RGMA: variants seen among roughly 807,000 people sequenced by gnomAD.
RGMA encodes the protein repulsive guidance molecule BMP co-receptor a.
In RGMA, 10 loss-of-function variants were observed where a neutral mutation model predicts 23.2. That is an observed-to-expected ratio of 0.43 (90% CI 0.27 to 0.73). The LOEUF (loss-of-function observed/expected upper bound fraction) is 0.73, where lower values mean the gene tolerates loss of function less well. RGMA is among the 30% of genes least tolerant of loss of function. The pLI, the probability that RGMA is intolerant of heterozygous loss-of-function variation, is 0.20. For synonymous variants in RGMA, 308 were observed against 279.3 expected (o/e 1.10, Z -1.03); for missense variants, 547 against 630.5 (o/e 0.87, Z 1.42).
chr15:93,071,001 G>A (rs1895303625), intron 2 of RGMA, among the ~76,000 whole-genome samples: 1 of 152,208 alleles, frequency 6.6e-6, no homozygotes, highest in Non-Finnish European at 1.5e-5. Flanking sequence ...GGAAACTTCT[G>A]CCAGGCCTTC....
chr15:93,056,426 G>A (rs1254033903), intron 2 of RGMA, among the ~76,000 whole-genome samples: 11 of 152,090 alleles, frequency 7.2e-5, no homozygotes, highest in African/African-American at 2.2e-4. Flanking sequence ...TCACTTCTCC[G>A]TTCCACATGG....
At chr15:93,067,897 C>T (rs1358508160) in intron 2 of RGMA, among the ~76,000 whole-genome samples, 1 of 152,082 alleles carries the variant, frequency 6.6e-6, no homozygotes, top group Non-Finnish European at 1.5e-5. Flanking sequence ...AGCCTGTCTG[C>T]TGTTGCAATG....
chr15:93,078,387 T>C (rs1042221960), intron 1 of RGMA, among the ~76,000 whole-genome samples: 1 of 152,218 alleles, frequency 6.6e-6, no homozygotes, highest in Non-Finnish European at 1.5e-5. Context: ...CATTCCCCCA[T>C]GTCCTGAAAA....
rs1233816008 is a variant in RGMA at position 93,036,518 on chromosome 15, G to A, written c.*8480C>T. ...CCCTGGTGGTCCCGGCCCCAGCCTT[G>A]ACCTGAGGGCCACTCAGCGGCCCTG... On this transcript the variant is annotated 3_prime_UTR_variant, in exon 4 of 4. Coordinates refer to ENST00000329082, the MANE Select transcript of RGMA (RefSeq NM_020211.3). 1 of 152,288 alleles carries A rather than the reference G, an allele frequency of 6.6e-6. No individual in the cohort carries two copies. The highest frequency in any genetic ancestry group is 1.9e-4 in the East Asian group (1 of 5,188). 9.4% of individuals were successfully genotyped at this position (152,288 alleles called of 1,614,324 possible). A position where few individuals can be genotyped will look rare whatever the true frequency, so the allele number is the denominator to read the frequency against.
At chr15:93,081,532 C>G (rs376434562) in intron 1 of RGMA, among the ~76,000 whole-genome samples, 14 of 152,276 alleles carry the variant, frequency 9.2e-5, no homozygotes, top group African/African-American at 3.4e-4. Flanking sequence ...ACCAGGTTCC[C>G]GTAAAAGAGA....
rs150377272 is a variant in RGMA, at chr15:93,075,564, C to G, written c.15-2533G>C. On this transcript the variant is annotated intron_variant, in intron 1 of 3. Transcript: ENST00000329082. Reference sequence around the variant, plus strand: ...ATAGTGAAGTTTGCTTGCTGTAAAGCCTGAGAATTTTTTTTTTTTCAGTTG... The same window carrying G: ...ATAGTGAAGTTTGCTTGCTGTAAAGGCTGAGAATTTTTTTTTTTTCAGTTG... Among the ~76,000 whole-genome samples the G allele has an allele frequency of 3.5e-3, 536 of 151,714 alleles. 3 individuals carry two copies. Among genetic ancestry groups the G allele is most frequent in the Non-Finnish European group, 5.7e-3 (385 of 67,692 alleles).
rs375505348 is a variant in RGMA at position 93,052,240 on chromosome 15, C to G, written c.398G>C (p.Gly133Ala). 13 of 1,606,982 alleles carry G rather than the reference C, an allele frequency of 8.1e-6. No individual in the cohort carries two copies. The highest frequency in any genetic ancestry group is 1.6e-4 in the Middle Eastern group (1 of 6,070). Reference sequence around the variant, plus strand: ...GCTGTCCGAGCGCTCCTGGCTGTCTCCGGCCGGTGGGAGCGTGCGCAGGCG... The same window carrying G: ...GCTGTCCGAGCGCTCCTGGCTGTCTGCGGCCGGTGGGAGCGTGCGCAGGCG... The part of the protein sequence containing the change: ...QPRLRTLPPA[G>A]DSQERSDSPE... The change falls in exon 3 of 4, where the codon GGA becomes GCA. Residue 133 changes from glycine (G) to alanine (A), a missense_variant. By Grantham distance (60) the Gly-to-Ala change is moderately conservative (BLOSUM62 0). Transcript: ENST00000329082.
At position 93,045,298 on chromosome 15, in the gene RGMA, G is replaced by A. The variant is rs1475599674; in HGVS notation, c.1053C>T (p.Ala351=). The A allele has an allele frequency of 2.5e-5, 40 of 1,612,596 alleles. No individual in the cohort carries two copies. The highest frequency in any genetic ancestry group is 3.1e-5 in the Non-Finnish European group (37 of 1,179,690). Residue 351 remains alanine, a synonymous_variant, in exon 4 of 4, where the codon GCC becomes GCT. Transcript: ENST00000329082. The surrounding 1 kb of genome is among the most constrained non-coding windows in gnomAD (Gnocchi z 6.9). ...RLAAASPAPT[A]PETFPYETAV... ...CTGTCTCGTATGGGAAGGTCTCGGG[G>A]GCTGTGGGTGCAGGGCTGGCGGCTG...
intron 2 of RGMA, among the ~76,000 whole-genome samples, chr15:93,068,526 C>T (rs1007084672): frequency 3.9e-5 from 6 of 152,226 alleles, no homozygotes; most frequent in African/African-American, 1.4e-4. Context: ...TCCAACCTTG[C>T]AAAGACCTTT....
At chr15:93,067,427 G>C (rs1023634502) in intron 2 of RGMA, among the ~76,000 whole-genome samples, 2 of 152,174 alleles carry the variant, frequency 1.3e-5, no homozygotes, top group Non-Finnish European at 2.9e-5. Flanking sequence ...TATAGAAACA[G>C]AAATGAGGTT....
At chr15:93,079,641 G>A (rs1895526537) in intron 1 of RGMA, among the ~76,000 whole-genome samples, 2 of 152,152 alleles carry the variant, frequency 1.3e-5, no homozygotes, top group Admixed American at 1.3e-4. Flanking sequence ...CCAATGTGGT[G>A]AAACCCCATT....
intron 1 of RGMA, chr15:93,088,245 AT>A: frequency 1.9e-6 from 1 of 521,788 alleles, no homozygotes; most frequent in Non-Finnish European, 2.5e-6. Flanking sequence ...CCGCCCTCCC[AT>A]TGAATACACC....
chr15:93,051,903 G>C (rs2054926473), intron 3 of RGMA, 90 bp downstream of exon 3: 3 of 1,349,642 alleles, frequency 2.2e-6, no homozygotes, highest in African/African-American at 2.9e-5. Flanking sequence ...CCCATTCCCA[G>C]GCACCCGAGG....
chr15:93,052,878 A>C (rs2054951365), intron 2 of RGMA, among the ~76,000 whole-genome samples: 1 of 152,182 alleles, frequency 6.6e-6, no homozygotes, highest in African/African-American at 2.4e-5. Flanking sequence ...ATTTTGGCTA[A>C]AGCAACAGGA....
intron 1 of RGMA, among the ~76,000 whole-genome samples, chr15:93,083,347 A>G (rs1895588366): frequency 6.6e-6 from 1 of 152,076 alleles, no homozygotes; most frequent in Non-Finnish European, 1.5e-5. Context: ...ATTTTTTTTG[A>G]GACAAAGTCT....
chr15:93,087,247 C>A (rs1043682377), intron 1 of RGMA, among the ~76,000 whole-genome samples: 6 of 152,130 alleles, frequency 3.9e-5, no homozygotes, highest in Non-Finnish European at 8.8e-5. Context: ...CAGCTCACTG[C>A]TAATATATTA....
chr15:93,057,644 C>T (rs1040911713), intron 2 of RGMA, among the ~76,000 whole-genome samples: 1 of 152,100 alleles, frequency 6.6e-6, no homozygotes, highest in Admixed American at 6.5e-5. Flanking sequence ...GAAAACTGGC[C>T]GCCTCCCTCC....
intron 2 of RGMA, among the ~76,000 whole-genome samples, chr15:93,061,927 T>G (rs867839037): frequency 1.3e-5 from 2 of 149,300 alleles, no homozygotes; most frequent in Middle Eastern, 6.8e-3. Context: ...GAGAAAGGAG[T>G]CCTAGGAATG....
rs1215211938 is a variant in RGMA, at chr15:93,045,944, A to T, written c.646-239T>A. On this transcript the variant is annotated intron_variant, in intron 3 of 3. Transcript: ENST00000329082. The surrounding 1 kb of genome is among the most constrained non-coding windows in gnomAD (Gnocchi z 6.9). ...AAGTGACTTAGAAAAATGTTAGACCACTACCCTAAGTAGAAAACTAGCTCT... is the reference window on the plus strand; with the variant it reads ...AAGTGACTTAGAAAAATGTTAGACCTCTACCCTAAGTAGAAAACTAGCTCT... Among the ~76,000 whole-genome samples, 2 of 152,116 alleles carry T rather than the reference A, an allele frequency of 1.3e-5. No homozygotes were observed. Among genetic ancestry groups the T allele is most frequent in the African/African-American group, 4.8e-5 (2 of 41,414 alleles).
Sources: allele counts gnomAD v4.1 joint callset (sites outside exome capture counted in the v4.1 genomes callset), GRCh38; gene constraint gnomAD v4.1.1; non-coding constraint Gnocchi (gnomAD v3.1); transcripts MANE v1.5; gene names NCBI Gene and HGNC (gene_info 2026-07-23, HGNC 2026-07-21).